The following TBC1D1 variants were observed in gnomAD, a reference collection of about 807,000 sequenced individuals.
TBC1D1 encodes TBC1 domain family member 1.
A neutral mutation model predicts 125.6 loss-of-function variants in TBC1D1; 89 were observed. The observed-to-expected ratio is 0.71, with a 90% CI of 0.60 to 0.85. TBC1D1 has a LOEUF of 0.85. Among genes scored for constraint, TBC1D1 ranks in the 40% least tolerant of loss-of-function variants. TBC1D1 has a pLI of 0.00. For missense variants in TBC1D1, 1,377 were observed against 1,469.2 expected (o/e 0.94, Z 1.03); for synonymous variants, 565 against 564.1 (o/e 1.00, Z -0.02).
At chr4:38,020,427 G>A (rs1485936055) in intron 4 of TBC1D1, among the ~76,000 whole-genome samples, 164 bp from the exon 5 acceptor site, 2 of 152,192 alleles carry the variant, frequency 1.3e-5, no homozygotes, top group Admixed American at 1.3e-4. Context: ...GCAGTGAGCT[G>A]AGATTGTGCC....
chr4:37,927,204 G>T (rs763570880), intron 2 of TBC1D1, among the ~76,000 whole-genome samples: 6 of 152,092 alleles, frequency 3.9e-5, no homozygotes, highest in Non-Finnish European at 8.8e-5. Context: ...ATAGAGGCGG[G>T]AAGAGATCAC....
chr4:37,992,534 A>G (rs1384286040), intron 2 of TBC1D1, among the ~76,000 whole-genome samples: 4 of 136,828 alleles, frequency 2.9e-5, no homozygotes, highest in East Asian at 4.2e-4. Context: ...TCGCTCTATC[A>G]CCCAGGCTGG....
At chr4:38,013,127 C>T (rs1265443118) in intron 2 of TBC1D1, among the ~76,000 whole-genome samples, 1 of 152,150 alleles carries the variant, frequency 6.6e-6, no homozygotes, top group Non-Finnish European at 1.5e-5. Flanking sequence ...TAGGTCTCAT[C>T]AGGTATCAAT....
intron 12 of TBC1D1, among the ~76,000 whole-genome samples, chr4:38,084,762 A>T (rs370990587): frequency 2.0e-5 from 3 of 151,072 alleles, no homozygotes; most frequent in East Asian, 3.9e-4. Context: ...AATTTTCAAG[A>T]GGGATGAAGA....
chr4:38,014,287 AT>A lies in TBC1D1; in HGVS notation c.418-221del, dbSNP rs1322475341. Among the ~76,000 whole-genome samples, 2 of 152,142 alleles carry A rather than the reference AT, an allele frequency of 1.3e-5. No homozygotes were observed. Among genetic ancestry groups the A allele is most frequent in the African/African-American group, 4.8e-5 (2 of 41,428 alleles). ...GCCCTTGGCAGGTAAGAGGTGCTTC[AT>A]AAGTGTCGTCCCCCTTCTCTTTTCT... is the stretch of plus-strand genomic sequence containing the variant. On this transcript the variant is annotated intron_variant, in intron 2 of 19. Transcript: ENST00000261439. The surrounding 1 kb of genome is among the most constrained non-coding windows in gnomAD (Gnocchi z 5.1).
chr4:38,067,973 A>C (rs2152506095), intron 12 of TBC1D1, among the ~76,000 whole-genome samples: 1 of 152,306 alleles, frequency 6.6e-6, no homozygotes, highest in Middle Eastern at 3.4e-3. Flanking sequence ...ACGCGGATGT[A>C]CCAGTGAGGG....
chr4:38,125,154 C>A (rs1242595067), intron 18 of TBC1D1, 23 bp downstream of exon 20: 1 of 1,609,958 alleles, frequency 6.2e-7, no homozygotes, highest in Non-Finnish European at 8.5e-7. Context: ...CCAAACCTTG[C>A]AAATGCTTAA....
intron 2 of TBC1D1, among the ~76,000 whole-genome samples, chr4:37,927,191 C>G (rs1044365182): frequency 2.1e-4 from 32 of 152,236 alleles, no homozygotes; most frequent in African/African-American, 7.7e-4. Flanking sequence ...ACACAGACTT[C>G]TAATAGAGGC....
chr4:38,054,160 C>T, intron 11 of TBC1D1, 39 bp from the exon 14 acceptor site: 1 of 1,592,240 alleles, frequency 6.3e-7, no homozygotes, highest in South Asian at 1.1e-5. Flanking sequence ...CCGTGAATTC[C>T]TCCCCACTAG....
rs1271883116 is a variant in TBC1D1, at chr4:38,014,320, G to A, written c.418-189G>A. Among the ~76,000 whole-genome samples the A allele has an allele frequency of 1.3e-5, 2 of 152,178 alleles. No individual in the cohort carries two copies. Among genetic ancestry groups the A allele is most frequent in the East Asian group, 3.9e-4 (2 of 5,190 alleles). On this transcript the variant is annotated intron_variant, in intron 2 of 19. Transcript: ENST00000261439. This position sits in a 1 kb window ranked among gnomAD's most constrained non-coding sequence, Gnocchi z 5.1. The stretch of plus-strand genomic sequence containing the variant: ...CGTCCCCCTTCTCTTTTCTGTGGAA[G>A]CTGTGTGTTCACCTCCCATGGGAAG...
At chr4:38,128,839 C>T (rs1765097769) in intron 18 of TBC1D1, among the ~76,000 whole-genome samples, 1 of 152,184 alleles carries the variant, frequency 6.6e-6, no homozygotes, top group South Asian at 2.1e-4. Context: ...AGAATGGAAA[C>T]TTTGGGAATA....
chr4:38,068,633 A>G (rs1207467208), intron 12 of TBC1D1, among the ~76,000 whole-genome samples: 1 of 152,242 alleles, frequency 6.6e-6, no homozygotes, highest in Admixed American at 6.5e-5. Flanking sequence ...ACCAACAGCC[A>G]CATATCACTA....
chr4:37,979,745 T>C (rs978245616), intron 2 of TBC1D1, among the ~76,000 whole-genome samples: 3 of 152,334 alleles, frequency 2.0e-5, no homozygotes, highest in Admixed American at 2.0e-4. Context: ...TGGGTGTCGG[T>C]TGATTCACAT....
intron 13 of TBC1D1, among the ~76,000 whole-genome samples, chr4:38,090,529 T>C (rs1462727663): frequency 6.6e-6 from 1 of 152,218 alleles, no homozygotes; most frequent in Non-Finnish European, 1.5e-5. Context: ...CATACGTAAC[T>C]TCACTCTGTG....
intron 14 of TBC1D1, among the ~76,000 whole-genome samples, chr4:38,101,321 C>CA (rs1760291267): frequency 6.6e-6 from 1 of 152,144 alleles, no homozygotes; most frequent in African/African-American, 2.4e-5. Context: ...TCCTTTCTCC[C>CA]AAAAGACAAG....
At chr4:38,115,064 G>T (rs1322615199) in intron 15 of TBC1D1, among the ~76,000 whole-genome samples, 1 of 151,406 alleles carries the variant, frequency 6.6e-6, no homozygotes, top group Non-Finnish European at 1.5e-5. Flanking sequence ...TGAGAATAGG[G>T]GTTATGTCTA....
chr4:37,928,472 C>T (rs979835301), intron 2 of TBC1D1, among the ~76,000 whole-genome samples: 1 of 151,680 alleles, frequency 6.6e-6, no homozygotes, highest in African/African-American at 2.4e-5. Flanking sequence ...TTTTTTGACA[C>T]CTGATTGGTG....
chr4:38,129,978 A>T (rs988902386), intron 18 of TBC1D1, among the ~76,000 whole-genome samples: 2 of 152,242 alleles, frequency 1.3e-5, no homozygotes, highest in Non-Finnish European at 2.9e-5. Context: ...TAAAATATTC[A>T]TACCCTTTGA....
chr4:38,025,866 T>G (rs1468497959), intron 6 of TBC1D1, among the ~76,000 whole-genome samples: 1 of 152,200 alleles, frequency 6.6e-6, no homozygotes, highest in Non-Finnish European at 1.5e-5. Context: ...GCATTGCACT[T>G]TGACAAAGGC....
Sources: gnomAD v4.1 joint callset for allele counts (sites outside exome capture counted in the v4.1 genomes callset) on GRCh38, gnomAD v4.1.1 for gene constraint, Gnocchi (gnomAD v3.1) non-coding constraint, MANE v1.5 for transcripts, NCBI Gene and HGNC (gene_info 2026-07-23, HGNC 2026-07-21) for gene names.